SP100: variants seen among roughly 807,000 people sequenced by gnomAD.
The protein encoded by SP100 is nuclear autoantigen Sp-100.
A neutral mutation model predicts 130.0 loss-of-function variants in SP100; 84 were observed. The ratio of observed to expected loss-of-function variants is 0.65; its 90% CI spans 0.54 to 0.77. The LOEUF (loss-of-function observed/expected upper bound fraction) is 0.77, where lower values mean the gene tolerates loss of function less well. Among genes scored for constraint, SP100 ranks in the 30% least tolerant of loss-of-function variants. The pLI, the probability that SP100 is intolerant of heterozygous loss-of-function variation, is 0.00. For missense variants in SP100, 978 were observed against 1,052.2 expected (o/e 0.93, Z 0.97); for synonymous variants, 331 against 351.7 (o/e 0.94, Z 0.66).
rs1183291210 is a variant in SP100, at chr2:230,529,542, G to A, written c.2095-9725G>A. ...ACAAGACAAGGATGCCCTCTCTCACGACTCTTATTCAACATAGTGTTGGAA... is the reference window on the plus strand; with the variant it reads ...ACAAGACAAGGATGCCCTCTCTCACAACTCTTATTCAACATAGTGTTGGAA... On this transcript the variant is annotated intron_variant, in intron 24 of 28. Coordinates refer to ENST00000340126, the MANE Select transcript of SP100 (RefSeq NM_001080391.2). Among the ~76,000 whole-genome samples, 3 of 152,078 alleles carry A rather than the reference G, an allele frequency of 2.0e-5. No homozygotes were observed. The East Asian group carries it at 5.8e-4, about 29-fold the overall frequency.
intron 24 of SP100, among the ~76,000 whole-genome samples, chr2:230,518,036 G>A (rs1258558190): frequency 6.6e-6 from 1 of 151,986 alleles, no homozygotes; most frequent in Non-Finnish European, 1.5e-5. Context: ...TAGACTGTTT[G>A]CGAAACGCTT....
chr2:230,497,878 C>T (rs750489539), intron 18 of SP100, among the ~76,000 whole-genome samples: 11 of 152,108 alleles, frequency 7.2e-5, no homozygotes, highest in Non-Finnish European at 1.3e-4. Context: ...GTCATTTTCA[C>T]TGTATTTTCA....
chr2:230,481,694 AG>A (rs546323729), intron 17 of SP100, among the ~76,000 whole-genome samples: 2 of 152,274 alleles, frequency 1.3e-5, no homozygotes, highest in South Asian at 4.2e-4. Flanking sequence ...AGTTGAACCT[AG>A]AAAAAAAAGT....
At chr2:230,479,154 C>T (rs576282627) in intron 17 of SP100, among the ~76,000 whole-genome samples, 10 of 152,254 alleles carry the variant, frequency 6.6e-5, no homozygotes, top group African/African-American at 2.4e-4. Flanking sequence ...CTACAGCTCT[C>T]CCACATTCTC....
At chr2:230,458,083 C>T (rs988492437) in intron 8 of SP100, among the ~76,000 whole-genome samples, 2 of 151,628 alleles carry the variant, frequency 1.3e-5, no homozygotes, top group African/African-American at 4.8e-5. Flanking sequence ...TAACAAAACA[C>T]AGTTGACCCC....
chr2:230,504,390 C>T (rs1014597576), intron 21 of SP100, 100 bp downstream of exon 21: 2 of 635,966 alleles, frequency 3.1e-6, no homozygotes, highest in Non-Finnish European at 5.5e-6. Context: ...TCTGCAAAAC[C>T]AGCCCCAGGC....
Position 230,532,795 on chromosome 2 carries a change from T to C in SP100, c.2095-6472T>C, listed in dbSNP as rs141506272. Among the ~76,000 whole-genome samples the C allele has an allele frequency of 5.0e-3, 769 of 152,330 alleles. 7 individuals are homozygous for C. Among genetic ancestry groups the C allele is most frequent in the African/African-American group, 0.018 (734 of 41,578 alleles). On this transcript the variant is annotated intron_variant, in intron 24 of 28. Transcript: ENST00000340126. ...TTTTTATTTTTATTTATTTATTTAT[T>C]TTTGAGACGTAGTCTCGCTCTTTCA...
intron 2 of SP100, chr2:230,440,589 A>T (rs1000672005): frequency 1.5e-6 from 2 of 1,369,848 alleles, no homozygotes; most frequent in African/African-American, 3.0e-5. Flanking sequence ...CAATGTTAAC[A>T]GATTGGAAGC....
At chr2:230,445,631 A>C (rs2063677702) in intron 4 of SP100, among the ~76,000 whole-genome samples, 1 of 152,198 alleles carries the variant, frequency 6.6e-6, no homozygotes, top group African/African-American at 2.4e-5. Context: ...TATAGCAAAA[A>C]TTCAAGTCAG....
chr2:230,515,858 T>C (rs1179277494), intron 24 of SP100: 22 of 1,300,100 alleles, frequency 1.7e-5, no homozygotes, highest in Admixed American at 3.7e-5. Context: ...TGGTACAGTA[T>C]GGGGGTTGTA....
intron 22 of SP100, 103 bp downstream of exon 22, chr2:230,506,548 T>C: frequency 1.7e-6 from 2 of 1,195,586 alleles, no homozygotes; most frequent in Middle Eastern, 2.0e-4. Flanking sequence ...CATCATGACT[T>C]CCTCTGCCCA....
chr2:230,540,262 G>A (rs1692118681), intron 25 of SP100, among the ~76,000 whole-genome samples: 1 of 152,192 alleles, frequency 6.6e-6, no homozygotes, highest in Non-Finnish European at 1.5e-5. Context: ...ATGGGTCATT[G>A]TGCTTGCCTG....
intron 24 of SP100, among the ~76,000 whole-genome samples, chr2:230,529,755 A>G (rs1232177690): frequency 1.3e-5 from 2 of 152,232 alleles, no homozygotes; most frequent in Non-Finnish European, 2.9e-5. Flanking sequence ...ATCAATGTGC[A>G]AAAATCACAA....
At chr2:230,438,399 A>G (rs910778902) in intron 2 of SP100, among the ~76,000 whole-genome samples, 7 of 151,928 alleles carry the variant, frequency 4.6e-5, no homozygotes, top group South Asian at 2.1e-4. Flanking sequence ...ACTGAACTCA[A>G]TGTGTATTCT....
intron 23 of SP100, chr2:230,510,635 T>TGGGACC (rs545434425): frequency 0.015 from 987 of 65,968 alleles, 18 homozygotes; most frequent in African/African-American, 0.073. Context: ...CTCAGCCCAC[T>TGGGACC]ACAGGTGCGC....
At chr2:230,429,194 A>G (rs908548803) in intron 2 of SP100, among the ~76,000 whole-genome samples, 7 of 152,192 alleles carry the variant, frequency 4.6e-5, no homozygotes, top group Admixed American at 4.6e-4. Flanking sequence ...TCTCTCCTTC[A>G]CTTCTGAAGG....
At chr2:230,505,885 G>A (rs934709951) in intron 21 of SP100, among the ~76,000 whole-genome samples, 3 of 152,136 alleles carry the variant, frequency 2.0e-5, no homozygotes, top group African/African-American at 7.2e-5. Context: ...ATGGCCACTT[G>A]GGGACCCAAG....
In SP100 at chr2:230,541,329, A is replaced by G. The variant is rs1174488494; in HGVS notation, c.2360A>G (p.Tyr787Cys). 6.2e-7 allele frequency: 1 copy of G among 1,614,000 alleles called. No homozygotes were observed. The highest frequency in any genetic ancestry group is 1.3e-5 in the African/African-American group (1 of 74,940). Residue 787 changes from tyrosine (Y) to cysteine (C), a missense_variant, in exon 27 of 29, where the codon TAC becomes TGC. Coordinates refer to ENST00000340126, the MANE Select transcript of SP100 (RefSeq NM_001080391.2). ...TGTGAATTCCTCCTCTTGAAGGTCT[A>G]CTGTGATTCGAAAAGCTGCTTTTTC... Reference protein sequence around the residue: ...LKCEFLLLKVYCDSKSCFFAS... With the variant: ...LKCEFLLLKVCCDSKSCFFAS...
intron 17 of SP100, among the ~76,000 whole-genome samples, chr2:230,479,127 G>T (rs1395238578): frequency 6.6e-6 from 1 of 152,152 alleles, no homozygotes; most frequent in Non-Finnish European, 1.5e-5. Context: ...GGCCTAGGAT[G>T]CATATAGATT....
Sources: allele counts gnomAD v4.1 joint callset (sites outside exome capture counted in the v4.1 genomes callset), GRCh38; gene constraint gnomAD v4.1.1; transcripts MANE v1.5; gene names NCBI Gene and HGNC (gene_info 2026-07-23, HGNC 2026-07-21).